The following TSPAN9 variants were observed in gnomAD, a reference collection of about 807,000 sequenced individuals.
The protein encoded by TSPAN9 is tetraspanin-9.
TSPAN9 carries 16 observed loss-of-function variants against 31.0 expected under a neutral mutation model. The observed-to-expected ratio is 0.52, with a 90% confidence interval of 0.35 to 0.78. The LOEUF is 0.78. Ranked by LOEUF, TSPAN9 falls within the 30% of genes least tolerant of loss-of-function variation. TSPAN9 has a pLI of 0.01. For synonymous variants in TSPAN9, 145 were observed against 121.6 expected (o/e 1.19, Z -1.27); for missense variants, 272 against 312.5 (o/e 0.87, Z 0.98).
At chr12:3,273,659 G>A (rs898124587) in intron 3 of TSPAN9, among the ~76,000 whole-genome samples, 2 of 152,222 alleles carry the variant, frequency 1.3e-5, no homozygotes, top group African/African-American at 4.8e-5. Flanking sequence ...CCTGTGCTAT[G>A]TGCTGGGCTC....
At chr12:3,135,147 A>G (rs1342268741) in intron 2 of TSPAN9, among the ~76,000 whole-genome samples, 1 of 152,138 alleles carries the variant, frequency 6.6e-6, no homozygotes, top group Non-Finnish European at 1.5e-5. Context: ...CAGTGTCACG[A>G]TCGGAGCTCA....
At chr12:3,263,683 G>A (rs1231757020) in intron 3 of TSPAN9, among the ~76,000 whole-genome samples, 5 of 152,028 alleles carry the variant, frequency 3.3e-5, no homozygotes, top group Admixed American at 3.3e-4. Flanking sequence ...AGGGAATTGT[G>A]CAGAGAGGTC....
rs57812985 is a variant in TSPAN9 at position 3,081,844 on chromosome 12, G to GTGTGTGTATATATA, written c.-84-1808_-84-1807insGTGTGTATATATAT. Among the ~76,000 whole-genome samples the GTGTGTGTATATATA allele has an allele frequency of 5.1e-5, 6 of 116,738 alleles. 1 individual carries two copies. The highest frequency in any genetic ancestry group is 2.2e-4 in the African/African-American group (6 of 27,388). 76.6% of individuals were successfully genotyped at this position (116,738 alleles called of 152,430 possible). On this transcript the variant is annotated intron_variant, in intron 1 of 8. Coordinates refer to ENST00000011898, the MANE Select transcript of TSPAN9 (RefSeq NM_006675.5). ...TGTGTGTGTGTGTGTGTCTGTGTGT[G>GTGTGTGTATATATA]TATATATATGCCAGGTGTGGTGGTA... is the stretch of plus-strand genomic sequence containing the variant.
At chr12:3,229,612 G>A (rs73045472) in intron 3 of TSPAN9, among the ~76,000 whole-genome samples, 2,196 of 152,310 alleles carry the variant, frequency 0.014, 13 homozygotes, top group East Asian at 0.025. Flanking sequence ...GAGGGCTGTG[G>A]CCAAACTGAA....
At chr12:3,079,017 T>A (rs2098296494) in intron 1 of TSPAN9, among the ~76,000 whole-genome samples, 1 of 151,890 alleles carries the variant, frequency 6.6e-6, no homozygotes, top group South Asian at 2.1e-4. Flanking sequence ...TCTCACTCTG[T>A]TGCCCAGGCT....
intron 3 of TSPAN9, among the ~76,000 whole-genome samples, chr12:3,264,448 C>T (rs779204109): frequency 5.9e-5 from 9 of 152,194 alleles, no homozygotes; most frequent in Non-Finnish European, 8.8e-5. Context: ...AAAGAAAGCA[C>T]GCCTGCAAAT....
intron 2 of TSPAN9, among the ~76,000 whole-genome samples, chr12:3,120,810 C>T (rs937052000): frequency 2.0e-5 from 3 of 152,244 alleles, no homozygotes; most frequent in African/African-American, 7.2e-5. Flanking sequence ...AGGCCGAGCT[C>T]TTCCAGTGAA....
chr12:3,114,842 C>CA (rs34841785), intron 2 of TSPAN9, among the ~76,000 whole-genome samples: 5,026 of 73,312 alleles, frequency 0.069, 289 homozygotes, highest in African/African-American at 0.18. Context: ...GGCTCCATCT[C>CA]AAAAAAAAAA....
At chr12:3,191,807 C>T (rs953729420) in intron 2 of TSPAN9, among the ~76,000 whole-genome samples, 5 of 152,090 alleles carry the variant, frequency 3.3e-5, no homozygotes, top group Non-Finnish European at 7.4e-5. Context: ...CAGATAGTAA[C>T]ATTGTCACCC....
chr12:3,086,638 G>T (rs1369944207), intron 2 of TSPAN9, among the ~76,000 whole-genome samples: 1 of 152,198 alleles, frequency 6.6e-6, no homozygotes, highest in Non-Finnish European at 1.5e-5. Context: ...AGGCTTTGCT[G>T]TTATTGCAGG....
intron 3 of TSPAN9, among the ~76,000 whole-genome samples, chr12:3,269,249 TGTGTTCCTGCAGCCTGCC>T (rs1862618414): frequency 2.3e-5 from 1 of 44,346 alleles, no homozygotes; most frequent in African/African-American, 8.1e-5. Flanking sequence ...CAGCCTGCCC[TGTGTTCCTGCAGCCTGCC>T]CTGTGTTCCT....
At chr12:3,181,833 C>G (rs1397240186) in intron 2 of TSPAN9, among the ~76,000 whole-genome samples, 1 of 152,144 alleles carries the variant, frequency 6.6e-6, no homozygotes. Flanking sequence ...ACCTGCTTCT[C>G]CTTGCTCCTT....
chr12:3,099,762 C>T (rs552704694), intron 2 of TSPAN9, among the ~76,000 whole-genome samples: 1 of 151,898 alleles, frequency 6.6e-6, no homozygotes, highest in South Asian at 2.1e-4. Context: ...TAGTCTAGGG[C>T]TCACTTAGCC....
intron 2 of TSPAN9, among the ~76,000 whole-genome samples, chr12:3,167,881 G>A (rs543026282): frequency 6.6e-6 from 1 of 152,312 alleles, no homozygotes; most frequent in South Asian, 2.1e-4. Context: ...GTTCCCATCT[G>A]GGGCAATGTG....
chr12:3,093,392 G>A (rs2098305932), intron 2 of TSPAN9, among the ~76,000 whole-genome samples: 1 of 152,200 alleles, frequency 6.6e-6, no homozygotes, highest in African/African-American at 2.4e-5. Flanking sequence ...AAGAAAAGTG[G>A]AGAGGTAGGG....
chr12:3,144,008 T>C (rs766990774), intron 2 of TSPAN9, among the ~76,000 whole-genome samples: 2 of 152,238 alleles, frequency 1.3e-5, no homozygotes, highest in Non-Finnish European at 2.9e-5. Context: ...AACCCAGGCA[T>C]GGACACATAT....
chr12:3,127,811 T>C (rs1299620817), intron 2 of TSPAN9, among the ~76,000 whole-genome samples: 2 of 152,182 alleles, frequency 1.3e-5, no homozygotes, highest in Non-Finnish European at 2.9e-5. Flanking sequence ...TTTAAAAAAT[T>C]CATGGGGTCT....
rs551887039 is a variant in TSPAN9 at position 3,150,408 on chromosome 12, A to C, written c.-17-50769A>C. 4.7e-4 allele frequency among the ~76,000 whole-genome samples: 71 copies of C among 152,102 alleles called. 1 individual carries two copies. In the South Asian group the frequency reaches 0.014, roughly 30 times the overall value. On this transcript the variant is annotated intron_variant, in intron 2 of 8. Coordinates refer to ENST00000011898, the MANE Select transcript of TSPAN9 (RefSeq NM_006675.5). ...AAAAATCTGTGTCATAAAACCCCTA[A>C]ATGGATTGTAGTATATATGGGCTCT...
At chr12:3,139,698 A>G (rs1276380240) in intron 2 of TSPAN9, among the ~76,000 whole-genome samples, 1 of 152,216 alleles carries the variant, frequency 6.6e-6, no homozygotes, top group East Asian at 1.9e-4. Flanking sequence ...GGTGTGAGCC[A>G]CTATGCCCAG....
Sources: gnomAD v4.1 joint callset for allele counts (sites outside exome capture counted in the v4.1 genomes callset) on GRCh38, gnomAD v4.1.1 for gene constraint, MANE v1.5 for transcripts, NCBI Gene and HGNC (gene_info 2026-07-23, HGNC 2026-07-21) for gene names.